Variants in CASZ1 observed in about 807,000 individuals in gnomAD.
CASZ1 encodes the protein zinc finger protein castor homolog 1.
A neutral mutation model predicts 135.2 loss-of-function variants in CASZ1; 28 were observed. The ratio of observed to expected loss-of-function variants is 0.21; its 90% CI spans 0.15 to 0.28. The LOEUF is 0.28. Ranked by LOEUF, CASZ1 falls within the 10% of genes least tolerant of loss-of-function variation. The pLI, the probability that CASZ1 is intolerant of heterozygous loss-of-function variation, is 1.00. For missense variants in CASZ1, 2,161 were observed against 2,453.3 expected (o/e 0.88, Z 2.52); for synonymous variants, 1,068 against 1,073.4 (o/e 0.99, Z 0.10).
In CASZ1 at chr1:10,701,862, G is replaced by A. The variant is rs1639068571; in HGVS notation, c.-24+3630C>T. Among the ~76,000 whole-genome samples the A allele has an allele frequency of 6.6e-6, 1 of 152,050 alleles. No individual in the cohort carries two copies. The highest frequency in any genetic ancestry group is 6.5e-5 in the Admixed American group (1 of 15,268). On this transcript the variant is annotated intron_variant, in intron 3 of 20. Coordinates refer to ENST00000377022, the MANE Select transcript of CASZ1 (RefSeq NM_001079843.3). The surrounding 1 kb of genome is among the most constrained non-coding windows in gnomAD (Gnocchi z 6.3). The stretch of plus-strand genomic sequence containing the variant: ...TGCTCGTCCAGGAGCCGACCTGAGG[G>A]AGCCCATTCCTGCCAGCCTGACAAG...
chr1:10,693,676 C>G (rs1042754949), intron 4 of CASZ1, among the ~76,000 whole-genome samples, 198 bp downstream of exon 4: 5 of 152,160 alleles, frequency 3.3e-5, no homozygotes, highest in African/African-American at 1.2e-4. Flanking sequence ...GTCACAGCCT[C>G]TAAGCAAGTG....
rs1557513573 is a variant in CASZ1 at position 10,694,614 on chromosome 1, G to GCCGCCGCCGCCCGGTGCGCCCGC, written c.-23-703_-23-702insGCGGGCGCACCGGGCGGCGGCGG. On this transcript the variant is annotated intron_variant, in intron 3 of 20. Coordinates refer to ENST00000377022, the MANE Select transcript of CASZ1 (RefSeq NM_001079843.3). This position sits in a 1 kb window ranked among gnomAD's most constrained non-coding sequence, Gnocchi z 6.6. ...CGCCGCCGCCGCCGCCGCCGCCGCCGCCGCCGCCCGGTGCGCCCGCCCGCC... is the reference window on the plus strand; with the variant it reads ...CGCCGCCGCCGCCGCCGCCGCCGCCGCCGCCGCCGCCCGGTGCGCCCGCCCGCCGCCCGGTGCGCCCGCCCGCC... 1 of 140,138 alleles carries GCCGCCGCCGCCCGGTGCGCCCGC rather than the reference G, an allele frequency of 7.1e-6. No individual in the cohort carries two copies. Among genetic ancestry groups the GCCGCCGCCGCCCGGTGCGCCCGC allele is most frequent in the Non-Finnish European group, 1.5e-5 (1 of 65,556 alleles). 8.7% of individuals were successfully genotyped at this position (140,138 alleles called of 1,614,324 possible). A position where few individuals can be genotyped will look rare whatever the true frequency, so the allele number is the denominator to read the frequency against.
chr1:10,671,728 G>A (rs1643406330), intron 4 of CASZ1, among the ~76,000 whole-genome samples: 1 of 152,240 alleles, frequency 6.6e-6, no homozygotes, highest in Admixed American at 6.5e-5. Flanking sequence ...CCGCAGCGGA[G>A]CATGATGTCA....
intron 2 of CASZ1, among the ~76,000 whole-genome samples, chr1:10,733,972 T>C (rs1331821046): frequency 6.6e-6 from 1 of 152,198 alleles, no homozygotes; most frequent in Non-Finnish European, 1.5e-5. Flanking sequence ...GTTACATTAA[T>C]AACTAGCGAA....
chr1:10,690,375 A>G (rs516243), intron 4 of CASZ1, among the ~76,000 whole-genome samples: 70,938 of 152,048 alleles, frequency 0.47, 17,156 homozygotes, highest in Non-Finnish European at 0.5. Context: ...TTGCTCTCTC[A>G]GCTTAGACAC....
chr1:10,658,668 C>G, intron 6 of CASZ1, 92 bp from the exon 7 acceptor site: 1 of 1,123,270 alleles, frequency 8.9e-7, no homozygotes, highest in Non-Finnish European at 1.3e-6. Context: ...CCCTGAGGCC[C>G]CAGCCCCTCT....
rs1642774133 is a variant in CASZ1, at chr1:10,655,896, G to C, written c.1501-83C>G. The C allele has an allele frequency of 1.1e-5, 16 of 1,425,450 alleles. 1 individual carries two copies. The Admixed American group carries it at 2.8e-4, about 25-fold the overall frequency. The allele number at this position is 1,425,450 out of a possible 1,614,324, so 88.3% of individuals were successfully genotyped here. On this transcript the variant is annotated intron_variant, in intron 8 of 20. Transcript: ENST00000377022. ...CCATATGCCAAGAGCACCTGGGCCA[G>C]GTGCTGGCCTCAGGTCTCCCTAGAA...
chr1:10,673,481 G>A (rs929839407), intron 4 of CASZ1, among the ~76,000 whole-genome samples: 6 of 152,036 alleles, frequency 3.9e-5, no homozygotes, highest in East Asian at 3.9e-4. Flanking sequence ...ACACTCTCTC[G>A]CACTCTTGTG....
Position 10,666,554 on chromosome 1 carries a change from C to G in CASZ1, c.17-983G>C, listed in dbSNP as rs951261393. 6.6e-6 allele frequency among the ~76,000 whole-genome samples: 1 copy of G among 152,220 alleles called. No individual in the cohort carries two copies. The highest frequency in any genetic ancestry group is 2.4e-5 in the African/African-American group (1 of 41,460). Reference sequence around the variant, plus strand: ...GTGCAGGGTGGGATCGCTTAGGTCCCTCACGGAACGCCCCGAAGCGCCGGT... The same window carrying G: ...GTGCAGGGTGGGATCGCTTAGGTCCGTCACGGAACGCCCCGAAGCGCCGGT... On this transcript the variant is annotated intron_variant, in intron 4 of 20. Coordinates refer to ENST00000377022, the MANE Select transcript of CASZ1 (RefSeq NM_001079843.3). This position sits in a 1 kb window ranked among gnomAD's most constrained non-coding sequence, Gnocchi z 5.2.
rs994964663 is a variant in CASZ1, at chr1:10,755,685, G to C, written c.-77+5016C>G. 6.6e-6 allele frequency among the ~76,000 whole-genome samples: 1 copy of C among 152,092 alleles called. No individual in the cohort carries two copies. The highest frequency in any genetic ancestry group is 1.5e-5 in the Non-Finnish European group (1 of 68,020). The stretch of plus-strand genomic sequence containing the variant: ...AGGAAGGAGGCCCAGGCTGGGGTTC[G>C]GCACCACCAGGTGGAACACTTGCCC... On this transcript the variant is annotated intron_variant, in intron 2 of 20. Coordinates refer to ENST00000377022, the MANE Select transcript of CASZ1 (RefSeq NM_001079843.3). The surrounding 1 kb of genome is among the most constrained non-coding windows in gnomAD (Gnocchi z 4.3).
intron 4 of CASZ1, 129 bp from the exon 5 acceptor site, chr1:10,665,700 T>A: frequency 9.9e-7 from 1 of 1,011,962 alleles, no homozygotes; most frequent in Non-Finnish European, 1.4e-6. Flanking sequence ...CAAACTGCCC[T>A]GAGACTGCCT....
chr1:10,737,811 G>T (rs920007064), intron 2 of CASZ1, among the ~76,000 whole-genome samples: 6 of 152,220 alleles, frequency 3.9e-5, no homozygotes, highest in African/African-American at 1.4e-4. Flanking sequence ...CTGTGGATCA[G>T]CCCGGAGGCC....
At chr1:10,723,524 C>T (rs1054543938) in intron 2 of CASZ1, among the ~76,000 whole-genome samples, 5 of 152,228 alleles carry the variant, frequency 3.3e-5, no homozygotes, top group African/African-American at 7.2e-5. Flanking sequence ...ACCCCTGCCC[C>T]GGTGCCCAGC....
intron 1 of CASZ1, among the ~76,000 whole-genome samples, chr1:10,778,185 A>T (rs1557566152): frequency 6.6e-6 from 1 of 151,954 alleles, no homozygotes; most frequent in Non-Finnish European, 1.5e-5. Flanking sequence ...AATCTCGCAC[A>T]CAATCAGACA....
At chr1:10,669,719 C>T (rs925228620) in intron 4 of CASZ1, among the ~76,000 whole-genome samples, 3 of 152,028 alleles carry the variant, frequency 2.0e-5, no homozygotes, top group East Asian at 1.9e-4. Flanking sequence ...CAGTGCCCAC[C>T]GCCCATGGCC....
rs1162394762 is a variant in CASZ1 at position 10,694,691 on chromosome 1, CCGCGCGCCCCCGCCG to C, written c.-23-794_-23-780del. ...GGGCTCGCGCTCGCTCGCGCCCCCGCCGCGCGCCCCCGCCGCGCGCGCCCGCGCCGCACTGGCAGG... is the reference window on the plus strand; with the variant it reads ...GGGCTCGCGCTCGCTCGCGCCCCCGCCGCGCGCCCGCGCCGCACTGGCAGG... On this transcript the variant is annotated intron_variant, in intron 3 of 20. Transcript: ENST00000377022. The surrounding 1 kb of genome is among the most constrained non-coding windows in gnomAD (Gnocchi z 6.6). Among the ~76,000 whole-genome samples the C allele has an allele frequency of 3.0e-5, 4 of 133,886 alleles. No homozygotes were observed. Among genetic ancestry groups the C allele is most frequent in the African/African-American group, 8.1e-5 (3 of 36,866 alleles). 87.8% of individuals were successfully genotyped at this position (133,886 alleles called of 152,430 possible).
intron 20 of CASZ1, among the ~76,000 whole-genome samples, chr1:10,641,670 CA>C (rs1169621362): frequency 6.6e-6 from 1 of 152,210 alleles, no homozygotes; most frequent in African/African-American, 2.4e-5. Flanking sequence ...TGCCAGATCC[CA>C]GGGGGACTCC....
In CASZ1 at chr1:10,722,475, G is replaced by A. The variant is rs186223907; in HGVS notation, c.-76-16931C>T. On this transcript the variant is annotated intron_variant, in intron 2 of 20. Transcript: ENST00000377022. Reference sequence around the variant, plus strand: ...GACTTAGGGACCGAGTACCTTCGAGGGCAGATCTCTTTCCATTCAAGCTCG... The same window carrying A: ...GACTTAGGGACCGAGTACCTTCGAGAGCAGATCTCTTTCCATTCAAGCTCG... 2.6e-5 allele frequency among the ~76,000 whole-genome samples: 4 copies of A among 152,322 alleles called. No homozygotes were observed. In the East Asian group the frequency reaches 7.7e-4, roughly 29 times the overall value.
At position 10,638,977 on chromosome 1, in the gene CASZ1, G is replaced by A; in HGVS notation, c.5245C>T (p.Pro1749Ser). The A allele has an allele frequency of 8.2e-6, 8 of 980,998 alleles. No homozygotes were observed. Among genetic ancestry groups the A allele is most frequent in the Non-Finnish European group, 9.7e-6 (8 of 828,584 alleles). 60.8% of individuals were successfully genotyped at this position (980,998 alleles called of 1,614,324 possible). ...ALAALAALGA[P>S]GPAPTAASSP ...GAGGCTGCAGTGGGCGCGGGGCCGG[G>A]GGCGCCCAGGGCCGCCAGCGCCGCC... is the stretch of plus-strand genomic sequence containing the variant. Residue 1749 changes from proline (P) to serine (S), a missense_variant, in exon 21 of 21, where the codon CCC becomes TCC. Around this residue, in one of 7 missense-constraint regions of CASZ1, gnomAD observed 185 missense variants for 134.7 expected, o/e 1.37. Transcript: ENST00000377022. This position sits in a 1 kb window ranked among gnomAD's most constrained non-coding sequence, Gnocchi z 5.9.
Sources: gnomAD v4.1 joint callset for allele counts (sites outside exome capture counted in the v4.1 genomes callset) on GRCh38, gnomAD v4.1.1 for gene constraint, gnomAD v4.1.1 regional missense constraint, Gnocchi (gnomAD v3.1) non-coding constraint, MANE v1.5 for transcripts, NCBI Gene and HGNC (gene_info 2026-07-23, HGNC 2026-07-21) for gene names.